The following LHX8 variants were observed in gnomAD, a reference collection of about 807,000 sequenced individuals.
LHX8 encodes LIM/homeobox protein Lhx8.
Under a neutral mutation model 40.3 loss-of-function variants are expected in LHX8, and 12 were observed. That is an observed-to-expected ratio of 0.30 (90% CI 0.19 to 0.48). LHX8 has a LOEUF of 0.48. LHX8 is among the 20% of genes least tolerant of loss of function. LHX8 has a pLI of 0.99. For synonymous variants in LHX8, 179 were observed against 162.0 expected, an observed-to-expected ratio of 1.10 and a Z score of -0.80; for missense variants, 344 against 433.7, an observed-to-expected ratio of 0.79 and a Z score of 1.84.
At chr1:75,153,589 T>G (rs1648673971) in intron 7 of LHX8, among the ~76,000 whole-genome samples, 2 of 151,160 alleles carry the variant, frequency 1.3e-5, no homozygotes, top group African/African-American at 4.9e-5. Flanking sequence ...TTTTTGTATT[T>G]TTAGTAGAGA....
chr1:75,185,517 A>G, the LHX8 span, among the ~76,000 whole-genome samples: 6 of 152,256 alleles, frequency 3.9e-5, no homozygotes, highest in East Asian at 1.2e-3. Context: ...GATTACCTCA[A>G]TAAACTAGGT....
intron 3 of LHX8, among the ~76,000 whole-genome samples, chr1:75,137,825 G>GT (rs552631735): frequency 6.6e-6 from 1 of 152,106 alleles, no homozygotes; most frequent in Admixed American, 6.5e-5. Flanking sequence ...ACAGTCCTAT[G>GT]TTTTTTTACA....
chr1:75,161,989 T>G (rs2100368767), downstream of LHX8, among the ~76,000 whole-genome samples: 1 of 152,270 alleles, frequency 6.6e-6, no homozygotes, highest in South Asian at 2.1e-4. Context: ...ATTTAAAGAA[T>G]TTAGTACTCA....
At chr1:75,165,831 C>A (rs1206733489), downstream of LHX8, among the ~76,000 whole-genome samples, 1 of 152,172 alleles carries the variant, frequency 6.6e-6, no homozygotes, top group Non-Finnish European at 1.5e-5. Context: ...TAGCAAATAT[C>A]TTATATACCT....
chr1:75,139,581 C>T (rs1648255450), intron 3 of LHX8, among the ~76,000 whole-genome samples: 1 of 152,114 alleles, frequency 6.6e-6, no homozygotes, highest in East Asian at 1.9e-4. Flanking sequence ...AAGGAAAATG[C>T]TTTTTTTATT....
At chr1:75,157,355 C>T (rs1046192199) in intron 8 of LHX8, among the ~76,000 whole-genome samples, 6 of 152,026 alleles carry the variant, frequency 3.9e-5, no homozygotes, top group South Asian at 2.1e-4. Flanking sequence ...TTGTTTTTAC[C>T]GGTAAATATT....
chr1:75,138,037 T>G (rs1364957157), intron 3 of LHX8, among the ~76,000 whole-genome samples: 2 of 152,134 alleles, frequency 1.3e-5, no homozygotes, highest in Non-Finnish European at 2.9e-5. Flanking sequence ...TCAAGTGTGG[T>G]TTGAGAGTTG....
the LHX8 span, among the ~76,000 whole-genome samples, chr1:75,180,887 CT>C: frequency 1.3e-5 from 2 of 152,212 alleles, no homozygotes; most frequent in African/African-American, 4.8e-5. Context: ...TGTGGATGTC[CT>C]TTTTGTTGAT....
chr1:75,139,868 C>T (rs1648265492), intron 3 of LHX8, among the ~76,000 whole-genome samples: 1 of 152,162 alleles, frequency 6.6e-6, no homozygotes, highest in Admixed American at 6.5e-5. Context: ...TCGATAGACA[C>T]ATAGTCTTTA....
chr1:75,138,289 T>A (rs1648209626), intron 3 of LHX8, among the ~76,000 whole-genome samples: 1 of 152,194 alleles, frequency 6.6e-6, no homozygotes, highest in Non-Finnish European at 1.5e-5. Context: ...CTGCTTAGGT[T>A]TTCAAAAGGA....
intron 7 of LHX8, among the ~76,000 whole-genome samples, chr1:75,155,151 G>C (rs556254404): frequency 6.7e-6 from 1 of 150,194 alleles, no homozygotes; most frequent in Admixed American, 6.6e-5. Context: ...TTATCCCTTC[G>C]CCTCTCTTTC....
intron 7 of LHX8, among the ~76,000 whole-genome samples, chr1:75,149,949 G>C (rs910249353): frequency 6.6e-6 from 1 of 152,186 alleles, no homozygotes; most frequent in East Asian, 1.9e-4. Flanking sequence ...GAGTCAAAGA[G>C]TAAATGACTC....
At chr1:75,131,913 G>A (rs1416780054), upstream of LHX8, 1 of 152,204 alleles carries the variant, frequency 6.6e-6, no homozygotes, top group Non-Finnish European at 1.5e-5. Flanking sequence ...TTTCAATTTA[G>A]TAGGTAGGAA....
At chr1:75,182,118 T>G in the LHX8 span, among the ~76,000 whole-genome samples, 4 of 152,164 alleles carry the variant, frequency 2.6e-5, no homozygotes, top group Non-Finnish European at 5.9e-5. Context: ...CTTCTTGAAT[T>G]TTTATGGTGT....
At chr1:75,179,753 G>A in the LHX8 span, among the ~76,000 whole-genome samples, 1 of 152,034 alleles carries the variant, frequency 6.6e-6, no homozygotes, top group Non-Finnish European at 1.5e-5. Context: ...TGGCTATTTT[G>A]CCCGTTAGTT....
chr1:75,187,386 AAC>A, the LHX8 span, among the ~76,000 whole-genome samples: 1 of 152,226 alleles, frequency 6.6e-6, no homozygotes, highest in Admixed American at 6.5e-5. Context: ...TTCTGTTGAC[AAC>A]AGATGCCACA....
the LHX8 span, among the ~76,000 whole-genome samples, chr1:75,186,118 A>T: frequency 6.6e-6 from 1 of 152,212 alleles, no homozygotes. Flanking sequence ...TGTACTGCCC[A>T]AAGCAATTTA....
At chr1:75,138,924 CT>C (rs1648229352) in intron 3 of LHX8, among the ~76,000 whole-genome samples, 2 of 151,968 alleles carry the variant, frequency 1.3e-5, no homozygotes, top group South Asian at 2.1e-4. Context: ...TTCTTGTATT[CT>C]TTAGTGTGTA....
chr1:75,131,194 C>G, upstream of LHX8: 1 of 196,856 alleles, frequency 5.1e-6, no homozygotes, highest in Non-Finnish European at 1.1e-5. Context: ...CAGGTCTGAC[C>G]CAGGCGAGTC....
Sources: gnomAD v4.1 joint callset for allele counts (sites outside exome capture counted in the v4.1 genomes callset) on GRCh38, gnomAD v4.1.1 for gene constraint, MANE v1.5 for transcripts, NCBI Gene and HGNC (gene_info 2026-07-23, HGNC 2026-07-21) for gene names.